The following MAGEB10 variants were observed in gnomAD, a reference collection of about 807,000 sequenced individuals.
MAGEB10 encodes the protein MAGE family member B10.
For missense variants in MAGEB10, 190 were observed against 261.9 expected (o/e 0.73, Z 1.89); for synonymous variants, 99 against 101.0 (o/e 0.98, Z 0.12).
chrX:27,814,155 T>G (rs746271081), intron 1 of MAGEB10, among the ~76,000 whole-genome samples: 2 of 111,805 alleles, frequency 1.8e-5, no homozygotes, highest in Admixed American at 1.9e-4. Flanking sequence ...GCATGGGCCA[T>G]GGTGGTTTGC....
rs749983935 is a variant in MAGEB10, at chrX:27,821,306, C to T, written c.-1C>T. 1 of 1,204,890 alleles carries T rather than the reference C, an allele frequency of 8.3e-7. No individual in the cohort carries two copies. The highest frequency in any genetic ancestry group is 1.8e-5 in the South Asian group (1 of 56,420). On this transcript the variant is annotated 5_prime_UTR_variant, in exon 3 of 3. Transcript: ENST00000356790. ...GGCTGCTGCACCTGAACAGAGTCAT[C>T]ATGCCTCGAGGTCAGAAGAGTAAAC...
Position 27,821,900 on chromosome X carries a change from G to A in MAGEB10, c.594G>A (p.Val198=). ...CAAAGCTGAGTGATGAAACAGGCGT[G>A]CCCAAGACTGGCCTGCTGATGACTG... ...CDAKLSDETG[V]PKTGLLMTVL... Residue 198 remains valine (V), a synonymous_variant, in exon 3 of 3, where the codon GTG becomes GTA. Transcript: ENST00000356790. 1 of 1,211,806 alleles carries A rather than the reference G, an allele frequency of 8.3e-7. No homozygotes were observed. Among genetic ancestry groups the A allele is most frequent in the Non-Finnish European group, 1.1e-6 (1 of 895,566 alleles).
intron 1 of MAGEB10, among the ~76,000 whole-genome samples, chrX:27,817,165 A>T (rs5926912): frequency 9.5e-6 from 1 of 105,375 alleles, no homozygotes; most frequent in Non-Finnish European, 2.0e-5. Context: ...TATTTGCATA[A>T]GAGATAAACC....
chrX:27,811,780 C>T (rs990735446), intron 1 of MAGEB10: 6 of 114,872 alleles, frequency 5.2e-5, no homozygotes, highest in African/African-American at 1.9e-4. Flanking sequence ...TCCATAAAGT[C>T]AAGGTGATAT....
rs778846130 is a variant in MAGEB10, at chrX:27,821,813, G to A, written c.507G>A (p.Lys169=). Residue 169 remains lysine, a synonymous_variant, in exon 3 of 3, where the codon AAG becomes AAA. Transcript: ENST00000356790. ...AGCTGATCTTTGGTCTTGACCTGAA[G>A]GAAGTGGAGCCTAATAAGCACATCT... ...HLELIFGLDL[K]EVEPNKHIYV... 15 of 1,210,008 alleles carry A rather than the reference G, an allele frequency of 1.2e-5. No homozygotes were observed. The East Asian group carries it at 4.4e-4, about 36-fold the overall frequency.
intron 1 of MAGEB10, among the ~76,000 whole-genome samples, chrX:27,814,456 C>T (rs974488681): frequency 4.5e-5 from 5 of 111,521 alleles, no homozygotes; most frequent in Non-Finnish European, 9.4e-5. Context: ...AAGAAATCCT[C>T]AAATTTGCAA....
chrX:27,822,594 G>A lies in MAGEB10; in HGVS notation c.*244G>A, dbSNP rs753030554. On this transcript the variant is annotated 3_prime_UTR_variant, in exon 3 of 3. Transcript: ENST00000356790. ...TGAGATTAAGAGTAAGCGATTTATT[G>A]CTTTATAAGTCTAATTGGGAAACTC... The A allele has an allele frequency of 2.8e-6, 1 of 360,270 alleles. No individual in the cohort carries two copies. Among genetic ancestry groups the A allele is most frequent in the African/African-American group, 2.6e-5 (1 of 38,554 alleles). 29.7% of individuals were successfully genotyped at this position (360,270 alleles called of 1,213,427 possible). A position where few individuals can be genotyped will look rare whatever the true frequency, so the allele number is the denominator to read the frequency against.
At chrX:27,815,430 A>G (rs1240890794) in intron 1 of MAGEB10, among the ~76,000 whole-genome samples, 18 of 111,984 alleles carry the variant, frequency 1.6e-4, no homozygotes, top group African/African-American at 5.5e-4. Flanking sequence ...ATTTTTTCCA[A>G]GTCTGCCTGT....
intron 1 of MAGEB10, chrX:27,812,864 T>G: frequency 3.6e-6 from 1 of 280,650 alleles, no homozygotes; most frequent in Non-Finnish European, 7.1e-6. Context: ...GGGCCCGTAC[T>G]GCCACCATGG....
At chrX:27,813,774 G>A (rs901711842) in intron 1 of MAGEB10, among the ~76,000 whole-genome samples, 12 of 111,871 alleles carry the variant, frequency 1.1e-4, no homozygotes, top group Non-Finnish European at 2.1e-4. Context: ...GCAGGGGCCA[G>A]ATCCTCAAAA....
intron 2 of MAGEB10, among the ~76,000 whole-genome samples, chrX:27,819,791 A>G (rs1048398361): frequency 3.6e-5 from 4 of 111,557 alleles, no homozygotes; most frequent in Admixed American, 1.9e-4. Context: ...GAAGCCCATG[A>G]ATGGAGTGGC....
At chrX:27,819,154 G>A (rs1033619310) in intron 2 of MAGEB10, among the ~76,000 whole-genome samples, 2 of 111,058 alleles carry the variant, frequency 1.8e-5, no homozygotes, top group Non-Finnish European at 3.8e-5. Context: ...GGACTGTGGG[G>A]TGAAGTGGTT....
At chrX:27,821,118 G>A (rs1167788639) in intron 2 of MAGEB10, 140 bp from the exon 3 acceptor site, 1 of 431,899 alleles carries the variant, frequency 2.3e-6, no homozygotes, top group Admixed American at 4.1e-5. Context: ...AGTACTCAGG[G>A]GGCAGGCAAA....
chrX:27,821,494 G>A lies in MAGEB10; in HGVS notation c.188G>A (p.Gly63Glu). Residue 63 changes from glycine (G) to glutamate (E), a missense_variant, in exon 3 of 3, where the codon GGA (glycine) becomes GAA (glutamate). Physicochemically the swap from Gly to Glu is moderately conservative, Grantham distance 98 (BLOSUM62 -2). Coordinates refer to ENST00000356790, the MANE Select transcript of MAGEB10 (RefSeq NM_182506.3). The part of the protein sequence containing the change: ...SLDGASNNPH[G>E]LREAQSTSTS... ...GATGGGGCATCCAACAATCCCCATG[G>A]ACTTCGGGAAGCCCAATCCACCAGC... 1 of 1,211,251 alleles carries A rather than the reference G, an allele frequency of 8.3e-7. No individual in the cohort carries two copies. The highest frequency in any genetic ancestry group is 1.1e-6 in the Non-Finnish European group (1 of 895,366).
intron 1 of MAGEB10, among the ~76,000 whole-genome samples, chrX:27,811,510 G>T (rs1450529148): frequency 1.8e-5 from 2 of 111,215 alleles, no homozygotes; most frequent in African/African-American, 6.6e-5. Flanking sequence ...GAGATAACAG[G>T]TCCTGCCAGA....
intron 1 of MAGEB10, among the ~76,000 whole-genome samples, chrX:27,813,180 A>T (rs1175821904): frequency 8.9e-6 from 1 of 112,253 alleles, no homozygotes; most frequent in East Asian, 2.8e-4. Flanking sequence ...AAATGGGAAA[A>T]TTTCCATCTT....
rs181024135 is a variant in MAGEB10 at position 27,816,090 on chromosome X, C to T, written c.-198-1464C>T. On this transcript the variant is annotated intron_variant, in intron 1 of 2. Coordinates refer to ENST00000356790, the MANE Select transcript of MAGEB10 (RefSeq NM_182506.3). ...GACTTGGGACATTGAACCTGTCTCACGCTTGGAATTTCTCTAACTTCTGTC... is the reference window on the plus strand; with the variant it reads ...GACTTGGGACATTGAACCTGTCTCATGCTTGGAATTTCTCTAACTTCTGTC... 5.5e-4 allele frequency among the ~76,000 whole-genome samples: 61 copies of T among 110,880 alleles called. No individual in the cohort carries two copies. In the Middle Eastern group the frequency reaches 0.028, roughly 51 times the overall value.
At chrX:27,815,814 G>T (rs1195111412) in intron 1 of MAGEB10, among the ~76,000 whole-genome samples, 1 of 111,910 alleles carries the variant, frequency 8.9e-6, no homozygotes, top group African/African-American at 3.2e-5. Context: ...AGAAGTATGG[G>T]TTGGTTCTGC....
At chrX:27,811,323 AC>A (rs1486626880) in intron 1 of MAGEB10, among the ~76,000 whole-genome samples, 1 of 110,757 alleles carries the variant, frequency 9.0e-6, no homozygotes, top group Non-Finnish European at 1.9e-5. Context: ...AAGACTGAGG[AC>A]TGAAAACTAA....
Sources: gnomAD v4.1 joint callset for allele counts (sites outside exome capture counted in the v4.1 genomes callset) on GRCh38, gnomAD v4.1.1 for gene constraint, MANE v1.5 for transcripts, NCBI Gene and HGNC (gene_info 2026-07-23, HGNC 2026-07-21) for gene names.